The following FAM168A variants were observed in gnomAD, a reference collection of about 807,000 sequenced individuals.
The protein encoded by FAM168A is protein FAM168A.
Under a neutral mutation model 28.5 loss-of-function variants are expected in FAM168A, and 3 were observed. The ratio of observed to expected loss-of-function variants is 0.11; its 90% CI spans 0.05 to 0.27. The LOEUF (loss-of-function observed/expected upper bound fraction) is 0.27. Ranked by LOEUF, FAM168A falls within the 10% of genes least tolerant of loss-of-function variation. FAM168A has a pLI of 1.00. For missense variants in FAM168A, 222 were observed against 311.5 expected (o/e 0.71, Z 2.16); for synonymous variants, 122 against 124.2 (o/e 0.98, Z 0.12).
chr11:73,492,491 A>C (rs1868142353), intron 1 of FAM168A, among the ~76,000 whole-genome samples: 1 of 152,036 alleles, frequency 6.6e-6, no homozygotes, highest in African/African-American at 2.4e-5. Context: ...ATTTCAAAAA[A>C]ATTAGCCGGG....
chr11:73,533,032 T>A (rs538165550), intron 1 of FAM168A, among the ~76,000 whole-genome samples: 1 of 152,196 alleles, frequency 6.6e-6, no homozygotes, highest in Non-Finnish European at 1.5e-5. Flanking sequence ...TAGAAGTCCA[T>A]ATACAAAGGC....
chr11:73,529,903 C>CA (rs1943495324), intron 1 of FAM168A, among the ~76,000 whole-genome samples: 1 of 149,920 alleles, frequency 6.7e-6, no homozygotes, highest in Non-Finnish European at 1.5e-5. Flanking sequence ...TCTTCTGCCT[C>CA]AGTCTCCAGA....
intron 2 of FAM168A, among the ~76,000 whole-genome samples, chr11:73,455,174 T>C (rs1867507006): frequency 6.6e-6 from 1 of 152,238 alleles, no homozygotes; most frequent in Non-Finnish European, 1.5e-5. Context: ...AGTTCACTGA[T>C]GCCAGAGCCC....
intron 2 of FAM168A, among the ~76,000 whole-genome samples, chr11:73,466,480 C>T (rs1867737977): frequency 6.6e-6 from 1 of 152,076 alleles, no homozygotes; most frequent in South Asian, 2.1e-4. Flanking sequence ...AAAACTATAG[C>T]ATTTATGATT....
intron 1 of FAM168A, among the ~76,000 whole-genome samples, chr11:73,518,000 G>A (rs1231861891): frequency 6.6e-6 from 1 of 152,246 alleles, no homozygotes; most frequent in African/African-American, 2.4e-5. Context: ...CATTCTCAGT[G>A]TCTAACACAG....
Position 73,455,422 on chromosome 11 carries a change from G to A in FAM168A, c.70+12983C>T, listed in dbSNP as rs146820014. Among the ~76,000 whole-genome samples the A allele has an allele frequency of 1.2e-4, 19 of 152,316 alleles. No homozygotes were observed. The East Asian group carries it at 3.1e-3, about 25-fold the overall frequency. ...AGGGGTCAAGAAAATATCCTGATTCGCTCTGACAGTGTTGTGGCCCTCCTC... is the reference window on the plus strand; with the variant it reads ...AGGGGTCAAGAAAATATCCTGATTCACTCTGACAGTGTTGTGGCCCTCCTC... On this transcript the variant is annotated intron_variant, in intron 2 of 7. Transcript: ENST00000356467.
rs562758668 is a variant in FAM168A at position 73,468,453 on chromosome 11, C to T, written c.22G>A (p.Val8Met). 1.4e-5 allele frequency: 23 copies of T among 1,613,888 alleles called. No homozygotes were observed. The highest frequency in any genetic ancestry group is 3.3e-5 in the Admixed American group (2 of 59,992). ...TTGCCATAAGGAGCCCCAGGCTGCA[C>T]GGGGCTGTAAACAGGGTTCATTGTG... MNPVYSPVQPGAPYGNPK... is the reference protein window; with the variant it reads MNPVYSPMQPGAPYGNPK... The change falls in exon 2 of 8, where the codon GTG becomes ATG. Residue 8 changes from valine to methionine, a missense_variant. By Grantham distance (21) the Val-to-Met change is conservative. This residue lies in a region of FAM168A where 153 missense variants were observed against 189.2 expected (regional missense o/e 0.81). Coordinates refer to ENST00000356467, the MANE Select transcript of FAM168A (RefSeq NM_015159.3).
chr11:73,504,714 T>C (rs956917593), intron 1 of FAM168A, among the ~76,000 whole-genome samples: 1 of 152,232 alleles, frequency 6.6e-6, no homozygotes, highest in African/African-American at 2.4e-5. Flanking sequence ...ATATGTTTAC[T>C]GCAGCACTAC....
chr11:73,545,677 T>C (rs1221422487), intron 1 of FAM168A, among the ~76,000 whole-genome samples: 1 of 150,232 alleles, frequency 6.7e-6, no homozygotes, highest in Non-Finnish European at 1.5e-5. Context: ...TATTGAATAC[T>C]ATATACTTTT....
chr11:73,572,470 G>A (rs1485407380), intron 1 of FAM168A, among the ~76,000 whole-genome samples: 4 of 151,880 alleles, frequency 2.6e-5, no homozygotes, highest in Admixed American at 6.6e-5. Flanking sequence ...GAAATCGGAT[G>A]GTTGCTGTGT....
chr11:73,576,561 C>T (rs771955075), intron 1 of FAM168A, among the ~76,000 whole-genome samples: 1 of 152,142 alleles, frequency 6.6e-6, no homozygotes, highest in Non-Finnish European at 1.5e-5. Flanking sequence ...CAATGCAGAC[C>T]TCCATCTTAA....
intron 1 of FAM168A, among the ~76,000 whole-genome samples, chr11:73,557,915 C>T (rs2134700553): frequency 1.3e-5 from 2 of 152,286 alleles, no homozygotes; most frequent in African/African-American, 4.8e-5. Flanking sequence ...AATCACTAAT[C>T]AATGAGAAAA....
chr11:73,414,594 G>A (rs528273558), intron 4 of FAM168A, among the ~76,000 whole-genome samples: 94 of 152,342 alleles, frequency 6.2e-4, no homozygotes, highest in Middle Eastern at 6.8e-3. Flanking sequence ...TCAGTCTCGC[G>A]TGTGATATGG....
chr11:73,529,301 G>A (rs1215345165), intron 1 of FAM168A, among the ~76,000 whole-genome samples: 1 of 152,230 alleles, frequency 6.6e-6, no homozygotes, highest in Non-Finnish European at 1.5e-5. Flanking sequence ...CTGGGCTCAT[G>A]TCCTAGCTTT....
At chr11:73,574,542 T>C (rs1442065050) in intron 1 of FAM168A, among the ~76,000 whole-genome samples, 1 of 152,026 alleles carries the variant, frequency 6.6e-6, no homozygotes, top group South Asian at 2.1e-4. Flanking sequence ...CATGAAAATA[T>C]AACATAATGG....
At chr11:73,483,745 A>C (rs1008689538) in intron 1 of FAM168A, among the ~76,000 whole-genome samples, 1 of 152,256 alleles carries the variant, frequency 6.6e-6, no homozygotes, top group Non-Finnish European at 1.5e-5. Context: ...TAAGCATTCA[A>C]AGATGGTGTT....
rs561844236 is a variant in FAM168A at position 73,447,749 on chromosome 11, GC to G, written c.71-16980del. 3.1e-3 allele frequency among the ~76,000 whole-genome samples: 474 copies of G among 150,916 alleles called. 3 individuals carry two copies. The highest frequency in any genetic ancestry group is 0.011 in the African/African-American group (445 of 41,012). Reference sequence around the variant, plus strand: ...TTTCTAATCCCTCTCTAATCACCAAGCCTTGTGGCTGATAAGACCCCTTGGC... The same window carrying G: ...TTTCTAATCCCTCTCTAATCACCAAGCTTGTGGCTGATAAGACCCCTTGGC... On this transcript the variant is annotated intron_variant, in intron 2 of 7. Coordinates refer to ENST00000356467, the MANE Select transcript of FAM168A (RefSeq NM_015159.3).
In FAM168A at chr11:73,409,674, G is replaced by A; in HGVS notation, c.421-13C>T. 2.5e-6 allele frequency: 4 copies of A among 1,592,544 alleles called. No individual in the cohort carries two copies. The highest frequency in any genetic ancestry group is 3.4e-6 in the Non-Finnish European group (4 of 1,166,740). On this transcript the variant is annotated splice_polypyrimidine_tract_variant and intron_variant, in intron 5 of 7. Coordinates refer to ENST00000356467, the MANE Select transcript of FAM168A (RefSeq NM_015159.3). The stretch of plus-strand genomic sequence containing the variant: ...TGTAGTAGGCTCCCTGGGGGAAAGA[G>A]GCTGAGGTCACATAGGCATTTGGAG...
At chr11:73,491,430 G>A (rs576490656) in intron 1 of FAM168A, among the ~76,000 whole-genome samples, 1 of 152,316 alleles carries the variant, frequency 6.6e-6, no homozygotes, top group East Asian at 1.9e-4. Context: ...TTTCACTTCT[G>A]AAACTTCAGA....
Sources: allele counts gnomAD v4.1 joint callset (sites outside exome capture counted in the v4.1 genomes callset), GRCh38; gene constraint gnomAD v4.1.1; regional missense constraint gnomAD v4.1.1; transcripts MANE v1.5; gene names NCBI Gene and HGNC (gene_info 2026-07-23, HGNC 2026-07-21).